Variants in HIVEP3 observed in about 807,000 individuals in gnomAD.
HIVEP3 encodes the protein HIVEP zinc finger 3.
In HIVEP3, 49 loss-of-function variants were observed where a neutral mutation model predicts 152.8. That is an observed-to-expected ratio of 0.32 (90% CI 0.26 to 0.41). The LOEUF (loss-of-function observed/expected upper bound fraction) is 0.41. Among genes scored for constraint, HIVEP3 ranks in the 10% least tolerant of loss-of-function variants. The pLI is 1.00. For synonymous variants in HIVEP3, 1,269 were observed against 1,289.0 expected, an observed-to-expected ratio of 0.98 and a Z score of 0.33; for missense variants, 2,790 against 3,103.3, an observed-to-expected ratio of 0.90 and a Z score of 2.40.
At chr1:41,950,373 C>T (rs1645099773) in intron 1 of HIVEP3, among the ~76,000 whole-genome samples, 1 of 152,178 alleles carries the variant, frequency 6.6e-6, no homozygotes, top group African/African-American at 2.4e-5. Flanking sequence ...CCCCCACCAG[C>T]CCCAAGAGTA....
intron 3 of HIVEP3, 94 bp downstream of exon 3, chr1:41,628,655 A>G: frequency 1.0e-6 from 1 of 955,122 alleles, no homozygotes; most frequent in Non-Finnish European, 1.4e-6. Context: ...AATAACAATA[A>G]TACATTTTTC....
chr1:41,588,052 G>A (rs1308011692), intron 3 of HIVEP3, among the ~76,000 whole-genome samples: 4 of 152,152 alleles, frequency 2.6e-5, no homozygotes, highest in Non-Finnish European at 5.9e-5. Context: ...CGGGGAACTC[G>A]TCCTGGCAGC....
At chr1:41,732,409 G>A (rs1476287492) in intron 1 of HIVEP3, among the ~76,000 whole-genome samples, 1 of 152,152 alleles carries the variant, frequency 6.6e-6, no homozygotes, top group African/African-American at 2.4e-5. Context: ...CTAGCAGAGG[G>A]CGGTCTTAAC....
intron 3 of HIVEP3, among the ~76,000 whole-genome samples, chr1:41,585,740 C>T (rs538478890): frequency 3.3e-5 from 5 of 152,124 alleles, no homozygotes; most frequent in African/African-American, 9.7e-5. Context: ...AATCCTGCCT[C>T]GACTGTGCCT....
At chr1:41,932,163 A>T (rs1462047343) in intron 1 of HIVEP3, among the ~76,000 whole-genome samples, 1 of 151,838 alleles carries the variant, frequency 6.6e-6, no homozygotes, top group African/African-American at 2.4e-5. Context: ...TAGATGATTA[A>T]TTTTTAAAGT....
In HIVEP3 at chr1:41,518,508, C is replaced by G; in HGVS notation, c.5384-20G>C. The G allele has an allele frequency of 6.2e-7, 1 of 1,606,012 alleles. No individual in the cohort carries two copies. Among genetic ancestry groups the G allele is most frequent in the South Asian group, 1.1e-5 (1 of 90,954 alleles). Reference sequence around the variant, plus strand: ...GATTCCCTAGAAAGAAACGAGAATACTTAGGCTCTGCTATGGGGCAGGAGG... The same window carrying G: ...GATTCCCTAGAAAGAAACGAGAATAGTTAGGCTCTGCTATGGGGCAGGAGG... On this transcript the variant is annotated intron_variant, in intron 6 of 8. Coordinates refer to ENST00000372583, the MANE Select transcript of HIVEP3 (RefSeq NM_024503.5).
rs779330799 is a variant in HIVEP3, at chr1:41,510,788, C to T, written c.6884G>A (p.Gly2295Glu). The T allele has an allele frequency of 7.5e-6, 12 of 1,609,682 alleles. No homozygotes were observed. The East Asian group carries it at 1.8e-4, about 24-fold the overall frequency. ...TGTGGGCTCTGCAGGTGCCCCGGTC[C>T]CATGGGGTGTCCAGTCAGGAGGCCT... is the stretch of plus-strand genomic sequence containing the variant. Reference protein sequence around the residue: ...PGRPPDWTPHGTGAPAEPTPT... With the variant: ...PGRPPDWTPHETGAPAEPTPT... The change falls in exon 9 of 9, where the codon GGG becomes GAG. Residue 2295 changes from glycine to glutamate, a missense_variant. Transcript: ENST00000372583.
intron 1 of HIVEP3, among the ~76,000 whole-genome samples, chr1:41,850,230 T>C (rs774992542): frequency 7.9e-5 from 12 of 152,254 alleles, no homozygotes; most frequent in Non-Finnish European, 1.5e-4. Flanking sequence ...CAGTGTTCAA[T>C]AGTATCACCT....
Position 41,510,373 on chromosome 1 carries a change from G to A in HIVEP3, c.*78C>T, listed in dbSNP as rs1354554318. The A allele has an allele frequency of 7.9e-7, 1 of 1,268,750 alleles. No individual in the cohort carries two copies. Among genetic ancestry groups the A allele is most frequent in the Non-Finnish European group, 1.0e-6 (1 of 961,378 alleles). 78.6% of individuals were successfully genotyped at this position (1,268,750 alleles called of 1,614,324 possible). A position where few individuals can be genotyped will look rare whatever the true frequency, so the allele number is the denominator to read the frequency against. On this transcript the variant is annotated 3_prime_UTR_variant, in exon 9 of 9. Coordinates refer to ENST00000372583, the MANE Select transcript of HIVEP3 (RefSeq NM_024503.5). The stretch of plus-strand genomic sequence containing the variant: ...GAGGGACAGATGGGGCTGAGGAAGT[G>A]GGATGATTCGAGGAAAGTGGCTGGA...
At chr1:41,853,018 G>A (rs1643647684) in intron 1 of HIVEP3, among the ~76,000 whole-genome samples, 1 of 152,216 alleles carries the variant, frequency 6.6e-6, no homozygotes, top group South Asian at 2.1e-4. Flanking sequence ...ACGAATGGCT[G>A]TGTTTTAGAG....
chr1:41,740,282 A>G (rs995129459), intron 1 of HIVEP3, among the ~76,000 whole-genome samples: 1 of 152,250 alleles, frequency 6.6e-6, no homozygotes. Flanking sequence ...CCATCCTGAA[A>G]GCAGCTTATT....
intron 5 of HIVEP3, among the ~76,000 whole-genome samples, chr1:41,550,493 C>G (rs1025802491): frequency 5.9e-5 from 9 of 152,186 alleles, no homozygotes; most frequent in Non-Finnish European, 1.3e-4. Flanking sequence ...TTGATTCTTC[C>G]TATCCATGAG....
At chr1:41,648,425 A>C (rs896330965) in intron 2 of HIVEP3, among the ~76,000 whole-genome samples, 1 of 152,200 alleles carries the variant, frequency 6.6e-6, no homozygotes, top group Admixed American at 6.5e-5. Context: ...AGAAGGTGGC[A>C]GGGCCCAGAC....
rs567468098 is a variant in HIVEP3 at position 41,538,148 on chromosome 1, A to G, written c.5208-13238T>C. On this transcript the variant is annotated intron_variant, in intron 5 of 8. Coordinates refer to ENST00000372583, the MANE Select transcript of HIVEP3 (RefSeq NM_024503.5). ...GGTGTCAGGTGGCTTCTGCAGAAGA[A>G]ACACCTTTGTCTGAGACTTTTTGGG... is the stretch of plus-strand genomic sequence containing the variant. Among the ~76,000 whole-genome samples the G allele has an allele frequency of 7.2e-5, 11 of 152,260 alleles. No homozygotes were observed. In the South Asian group the frequency reaches 1.2e-3, roughly 17 times the overall value.
intron 3 of HIVEP3, among the ~76,000 whole-genome samples, chr1:41,592,357 C>T (rs748404675): frequency 1.3e-5 from 2 of 152,222 alleles, no homozygotes; most frequent in African/African-American, 2.4e-5. Context: ...CTCAAGATCA[C>T]TTCCTTTCTG....
intron 1 of HIVEP3, among the ~76,000 whole-genome samples, chr1:41,710,686 T>C (rs1352363238): frequency 1.3e-5 from 2 of 152,172 alleles, no homozygotes; most frequent in Non-Finnish European, 2.9e-5. Context: ...AGAAACTATG[T>C]GTCTGTCTCG....
intron 7 of HIVEP3, among the ~76,000 whole-genome samples, chr1:41,517,773 G>A (rs537490452): frequency 9.0e-4 from 137 of 152,332 alleles, no homozygotes; most frequent in African/African-American, 3.2e-3. Flanking sequence ...TGTCTTCTCA[G>A]AGACTGACTC....
chr1:41,579,130 T>C (rs774688609), intron 4 of HIVEP3, among the ~76,000 whole-genome samples: 12 of 152,242 alleles, frequency 7.9e-5, no homozygotes, highest in Admixed American at 1.3e-4. Context: ...TAGGTCAAAC[T>C]GTGAGTGGCA....
intron 1 of HIVEP3, chr1:41,848,002 T>C (rs1315616753): frequency 1.3e-5 from 2 of 152,250 alleles, no homozygotes; most frequent in African/African-American, 2.4e-5. Flanking sequence ...AGAACAGGAA[T>C]GTCTAGTGGT....
Sources: allele counts gnomAD v4.1 joint callset (sites outside exome capture counted in the v4.1 genomes callset), GRCh38; gene constraint gnomAD v4.1.1; transcripts MANE v1.5; gene names NCBI Gene and HGNC (gene_info 2026-07-23, HGNC 2026-07-21).